The following SP1 variants were observed in gnomAD, a reference collection of about 807,000 sequenced individuals.
SP1 encodes transcription factor Sp1.
Under a neutral mutation model 66.3 loss-of-function variants are expected in SP1, and 6 were observed. The ratio of observed to expected loss-of-function variants is 0.09; its 90% confidence interval spans 0.05 to 0.18. SP1 has a LOEUF of 0.18. Ranked by LOEUF, SP1 falls within the 10% of genes least tolerant of loss-of-function variation. The probability of loss-of-function intolerance (pLI) is 1.00; values close to 1 mark genes in which losing one functional copy is unlikely to be tolerated. For synonymous variants in SP1, 417 were observed against 360.8 expected (o/e 1.16, Z -1.77); for missense variants, 848 against 964.5 (o/e 0.88, Z 1.60).
chr12:53,385,644 G>A (rs1343292509), intron 3 of SP1, among the ~76,000 whole-genome samples: 1 of 151,146 alleles, frequency 6.6e-6, no homozygotes, highest in East Asian at 2.0e-4. Flanking sequence ...GCTGGGCGCG[G>A]TGGCTCACGC....
In SP1 at chr12:53,404,103, G is replaced by A. The variant is rs138868892; in HGVS notation, c.1676-2482G>A. Among the ~76,000 whole-genome samples, 81 of 151,952 alleles carry A rather than the reference G, an allele frequency of 5.3e-4. No homozygotes were observed. In the East Asian group the frequency reaches 0.013, roughly 24 times the overall value. ...GGAGAATGGCGTGAACCTGGGAGGC[G>A]GAGCTTGCAGTGAGCCGAGATCGCG... On this transcript the variant is annotated intron_variant, in intron 3 of 5. Transcript: ENST00000327443.
intron 3 of SP1, among the ~76,000 whole-genome samples, chr12:53,400,755 ATTTTTT>A (rs10547195): frequency 4.3e-5 from 3 of 70,058 alleles, no homozygotes; most frequent in Non-Finnish European, 2.8e-5. Context: ...CACTGGGCTA[ATTTTTT>A]TTTTTTTTTT....
At chr12:53,388,802 A>T (rs898853128) in intron 3 of SP1, among the ~76,000 whole-genome samples, 1 of 151,986 alleles carries the variant, frequency 6.6e-6, no homozygotes, top group Non-Finnish European at 1.5e-5. Flanking sequence ...CAACATAGGG[A>T]TCCCCCATCT....
Position 53,380,193 on chromosome 12 carries a change from C to G in SP1, c.-99C>G, listed in dbSNP as rs1938047537. 1 of 836,624 alleles carries G rather than the reference C, an allele frequency of 1.2e-6. No individual in the cohort carries two copies. Among genetic ancestry groups the G allele is most frequent in the African/African-American group, 1.7e-5 (1 of 59,646 alleles). The allele number at this position is 836,624 out of a possible 1,614,324, so 51.8% of individuals were successfully genotyped here. On this transcript the variant is annotated 5_prime_UTR_variant, in exon 1 of 6. Coordinates refer to ENST00000327443, the MANE Select transcript of SP1 (RefSeq NM_138473.3). ...TCCTCCTTACCCCCCCCTCCCTGTC[C>G]GGTCCGGGTTCGCTTGCCTCGTCAG... is the stretch of plus-strand genomic sequence containing the variant.
chr12:53,408,433 T>C (rs1009586915), intron 4 of SP1, among the ~76,000 whole-genome samples: 4 of 150,396 alleles, frequency 2.7e-5, no homozygotes, highest in African/African-American at 9.7e-5. Context: ...ATGGGGACCA[T>C]GTTGATAAGA....
At chr12:53,410,024 G>A (rs1257004450) in intron 5 of SP1, among the ~76,000 whole-genome samples, 1 of 143,646 alleles carries the variant, frequency 7.0e-6, no homozygotes, top group East Asian at 2.1e-4. Context: ...AAAAAGGAAG[G>A]AGCCAGGTGT....
At chr12:53,403,415 C>T (rs1308684804) in intron 3 of SP1, among the ~76,000 whole-genome samples, 1 of 152,042 alleles carries the variant, frequency 6.6e-6, no homozygotes, top group Non-Finnish European at 1.5e-5. Context: ...TGCAGTTGTA[C>T]AATCAGGACT....
At chr12:53,401,825 C>T (rs1329538395) in intron 3 of SP1, among the ~76,000 whole-genome samples, 2 of 152,058 alleles carry the variant, frequency 1.3e-5, no homozygotes, top group Non-Finnish European at 1.5e-5. Context: ...CCCACCACCA[C>T]ACCCAGCTAA....
intron 3 of SP1, among the ~76,000 whole-genome samples, chr12:53,387,613 A>G (rs990838282): frequency 6.6e-6 from 1 of 152,230 alleles, no homozygotes; most frequent in African/African-American, 2.4e-5. Context: ...ATGAGACAAC[A>G]GCCAGAGCTG....
intron 3 of SP1, among the ~76,000 whole-genome samples, chr12:53,387,255 C>T (rs1424876985): frequency 6.6e-6 from 1 of 152,010 alleles, no homozygotes; most frequent in Non-Finnish European, 1.5e-5. Flanking sequence ...CTGGCCACTT[C>T]TAGTTCTTTT....
At chr12:53,400,347 C>CT (rs1037805877) in intron 3 of SP1, among the ~76,000 whole-genome samples, 3 of 151,922 alleles carry the variant, frequency 2.0e-5, no homozygotes, top group Non-Finnish European at 2.9e-5. Context: ...TGTTAGTACT[C>CT]TTTTTTTTAT....
At position 53,411,253 on chromosome 12, in the gene SP1, G is replaced by C; in HGVS notation, c.*13G>C. On this transcript the variant is annotated 3_prime_UTR_variant, in exon 6 of 6. Transcript: ENST00000327443. Reference sequence around the variant, plus strand: ...CAATGGCTTCTGAGATCAGGCACCCGGGGCCAGAGACATATGGGCCATACC... The same window carrying C: ...CAATGGCTTCTGAGATCAGGCACCCCGGGCCAGAGACATATGGGCCATACC... The C allele has an allele frequency of 6.2e-7, 1 of 1,600,798 alleles. No homozygotes were observed. The highest frequency in any genetic ancestry group is 8.5e-7 in the Non-Finnish European group (1 of 1,172,640).
In SP1 at chr12:53,408,273, G is replaced by C. The variant is rs553872238; in HGVS notation, c.1845-1089G>C. On this transcript the variant is annotated intron_variant, in intron 4 of 5. Coordinates refer to ENST00000327443, the MANE Select transcript of SP1 (RefSeq NM_138473.3). ...AAAAAAAAAAAAGAGCTTCGCTCTTGTTGCCCAGGCTGGAGTGCAACGGCA... is the reference window on the plus strand; with the variant it reads ...AAAAAAAAAAAAGAGCTTCGCTCTTCTTGCCCAGGCTGGAGTGCAACGGCA... 1.2e-4 allele frequency among the ~76,000 whole-genome samples: 17 copies of C among 142,730 alleles called. No individual in the cohort carries two copies. The East Asian group carries it at 4.1e-3, about 34-fold the overall frequency. 93.6% of individuals were successfully genotyped at this position (142,730 alleles called of 152,430 possible).
Position 53,383,637 on chromosome 12 carries a change from C to G in SP1, c.1675+15C>G. 2 of 1,582,714 alleles carry G rather than the reference C, an allele frequency of 1.3e-6. No individual in the cohort carries two copies. Among genetic ancestry groups the G allele is most frequent in the South Asian group, 1.1e-5 (1 of 88,464 alleles). On this transcript the variant is annotated intron_variant, in intron 3 of 5. Transcript: ENST00000327443. ...AAATGCCCCAGGTAAGATTTCCAAT[C>G]TTGTGCATTTATTGGGAACCAACTC... is the stretch of plus-strand genomic sequence containing the variant.
In SP1 at chr12:53,394,575, CT is replaced by C. The variant is rs1428574143; in HGVS notation, c.1675+10957del. Among the ~76,000 whole-genome samples, 11 of 39,404 alleles carry C rather than the reference CT, an allele frequency of 2.8e-4. No homozygotes were observed. In the East Asian group the frequency reaches 3.2e-3, roughly 11 times the overall value. 25.9% of individuals were successfully genotyped at this position (39,404 alleles called of 152,430 possible). On this transcript the variant is annotated intron_variant, in intron 3 of 5. Coordinates refer to ENST00000327443, the MANE Select transcript of SP1 (RefSeq NM_138473.3). ...CGGCCACTGTGCTGCGTGGTCTTTTCTTTTCTTCTTTTTTTTTTTTGGAGAT... is the reference window on the plus strand; with the variant it reads ...CGGCCACTGTGCTGCGTGGTCTTTTCTTTCTTCTTTTTTTTTTTTGGAGAT...
chr12:53,392,851 GTC>G (rs1342078554), intron 3 of SP1, among the ~76,000 whole-genome samples: 1 of 150,982 alleles, frequency 6.6e-6, no homozygotes, highest in South Asian at 2.1e-4. Flanking sequence ...TTGAGATAAG[GTC>G]TCTCTCTGTC....
chr12:53,402,836 C>G (rs1938638240), intron 3 of SP1, among the ~76,000 whole-genome samples: 1 of 151,934 alleles, frequency 6.6e-6, no homozygotes, highest in African/African-American at 2.4e-5. Context: ...CGTGGTGGTG[C>G]ATGCCTGTAG....
Position 53,409,405 on chromosome 12 carries a change from A to G in SP1, c.1888A>G (p.Ile630Val), listed in dbSNP as rs746303477. The G allele has an allele frequency of 6.2e-7, 1 of 1,614,126 alleles. No individual in the cohort carries two copies. Among genetic ancestry groups the G allele is most frequent in the Non-Finnish European group, 8.5e-7 (1 of 1,180,016 alleles). ...CAAAAAGAAACAGCATATTTGCCAC[A>G]TCCAAGGCTGTGGGAAAGTGTATGG... ...PGKKKQHICH[I>V]QGCGKVYGKT... The change falls in exon 5 of 6, where the codon ATC (isoleucine) becomes GTC (valine). Residue 630 changes from isoleucine to valine, a missense_variant. Coordinates refer to ENST00000327443, the MANE Select transcript of SP1 (RefSeq NM_138473.3).
intron 3 of SP1, among the ~76,000 whole-genome samples, chr12:53,385,848 G>T (rs1450412662): frequency 6.6e-6 from 1 of 151,150 alleles, no homozygotes; most frequent in Non-Finnish European, 1.5e-5. Context: ...GGGAGGCAGA[G>T]CTTGGAGCGA....
Sources: allele counts gnomAD v4.1 joint callset (sites outside exome capture counted in the v4.1 genomes callset), GRCh38; gene constraint gnomAD v4.1.1; transcripts MANE v1.5; gene names NCBI Gene and HGNC (gene_info 2026-07-23, HGNC 2026-07-21).